MACROD2: variants seen among roughly 807,000 people sequenced by gnomAD.
MACROD2 encodes the protein mono-ADP ribosylhydrolase 2.
Under a neutral mutation model 70.4 loss-of-function variants are expected in MACROD2, and 36 were observed. The ratio of observed to expected loss-of-function variants is 0.51; its 90% CI spans 0.39 to 0.68. The LOEUF is 0.68. Among genes scored for constraint, MACROD2 ranks in the 30% least tolerant of loss-of-function variants. The probability of loss-of-function intolerance (pLI) is 0.00; values close to 1 mark genes in which losing one functional copy is unlikely to be tolerated. For missense variants in MACROD2, 496 were observed against 538.4 expected (o/e 0.92, Z 0.78); for synonymous variants, 172 against 178.8 (o/e 0.96, Z 0.30).
chr20:14,042,621 G>T (rs936783729), intron 2 of MACROD2, among the ~76,000 whole-genome samples: 2 of 152,108 alleles, frequency 1.3e-5, no homozygotes, highest in East Asian at 1.9e-4. Context: ...TTCTGCCTTA[G>T]CTTCAGTAGC....
At chr20:14,718,823 A>G (rs564158249) in intron 5 of MACROD2, among the ~76,000 whole-genome samples, 5 of 152,308 alleles carry the variant, frequency 3.3e-5, no homozygotes, top group Non-Finnish European at 5.9e-5. Context: ...CTAATGTAGT[A>G]TGTTTCTTTT....
At chr20:14,148,007 T>C (rs528954116) in intron 3 of MACROD2, among the ~76,000 whole-genome samples, 1 of 152,216 alleles carries the variant, frequency 6.6e-6, no homozygotes, top group Non-Finnish European at 1.5e-5. Flanking sequence ...ATTTTTTACC[T>C]TTTTATGACT....
intron 2 of MACROD2, among the ~76,000 whole-genome samples, chr20:14,013,604 C>T (rs1386569547): frequency 6.7e-6 from 1 of 149,820 alleles, no homozygotes; most frequent in Non-Finnish European, 1.5e-5. Flanking sequence ...ATTATTTTGA[C>T]AACACATCAA....
At chr20:15,594,282 A>G (rs1245595758) in intron 8 of MACROD2, among the ~76,000 whole-genome samples, 1 of 151,100 alleles carries the variant, frequency 6.6e-6, no homozygotes, top group Non-Finnish European at 1.5e-5. Context: ...TGAAAGGCCT[A>G]TTTGTGTTGC....
chr20:15,071,637 G>A (rs763098347), intron 5 of MACROD2, among the ~76,000 whole-genome samples: 14 of 152,064 alleles, frequency 9.2e-5, no homozygotes, highest in Admixed American at 8.5e-4. Flanking sequence ...CATTAAATTT[G>A]CATTGTATTT....
chr20:15,489,150 G>T (rs1235018692), intron 7 of MACROD2, among the ~76,000 whole-genome samples: 2 of 152,156 alleles, frequency 1.3e-5, no homozygotes, highest in African/African-American at 4.8e-5. Context: ...AAGAAAAAGT[G>T]TCTCAAGACC....
chr20:15,518,986 T>C (rs564464314), intron 8 of MACROD2, among the ~76,000 whole-genome samples: 4 of 152,362 alleles, frequency 2.6e-5, no homozygotes, highest in South Asian at 4.1e-4. Context: ...CTATTTTCTA[T>C]GTGCCGGACA....
chr20:14,642,128 T>C (rs1305002150), intron 4 of MACROD2, among the ~76,000 whole-genome samples: 3 of 152,232 alleles, frequency 2.0e-5, no homozygotes, highest in African/African-American at 7.2e-5. Flanking sequence ...GCTTCACTTT[T>C]TACTTTTGTG....
At chr20:14,069,270 A>G (rs1427288880) in intron 2 of MACROD2, among the ~76,000 whole-genome samples, 4 of 152,152 alleles carry the variant, frequency 2.6e-5, no homozygotes, top group African/African-American at 9.7e-5. Flanking sequence ...TTAAATTTTT[A>G]TTTTAAATTT....
intron 5 of MACROD2, among the ~76,000 whole-genome samples, chr20:14,904,631 G>C (rs1206395235): frequency 1.3e-5 from 2 of 152,118 alleles, no homozygotes; most frequent in Non-Finnish European, 2.9e-5. Context: ...TCTGTTTTCA[G>C]ATTTTAGTAA....
At chr20:14,593,226 C>T (rs1461364685) in intron 4 of MACROD2, among the ~76,000 whole-genome samples, 1 of 151,972 alleles carries the variant, frequency 6.6e-6, no homozygotes, top group Non-Finnish European at 1.5e-5. Flanking sequence ...TTTTCTTATT[C>T]GATTAGAGGA....
intron 6 of MACROD2, among the ~76,000 whole-genome samples, chr20:15,410,641 G>T (rs918959127): frequency 1.1e-4 from 16 of 147,688 alleles, no homozygotes; most frequent in African/African-American, 3.8e-4. Flanking sequence ...GCAATTCTCA[G>T]ACTGAATTCT....
At chr20:15,445,850 A>G (rs765095701) in intron 7 of MACROD2, among the ~76,000 whole-genome samples, 3 of 152,112 alleles carry the variant, frequency 2.0e-5, no homozygotes, top group Non-Finnish European at 2.9e-5. Flanking sequence ...CAGAACCAAG[A>G]CCAATGTGTT....
chr20:15,716,877 T>C (rs1600801132), intron 8 of MACROD2, among the ~76,000 whole-genome samples: 3 of 152,250 alleles, frequency 2.0e-5, no homozygotes, highest in East Asian at 1.9e-4. Context: ...AATGAAAATA[T>C]AGTGATAGAA....
At chr20:15,107,642 T>G (rs980122817) in intron 5 of MACROD2, among the ~76,000 whole-genome samples, 8 of 152,140 alleles carry the variant, frequency 5.3e-5, no homozygotes, top group African/African-American at 1.7e-4. Flanking sequence ...CTGTTGTTTC[T>G]CTCCCTGATT....
At chr20:15,808,486 A>C (rs776844945) in intron 8 of MACROD2, among the ~76,000 whole-genome samples, 17 of 152,280 alleles carry the variant, frequency 1.1e-4, no homozygotes, top group Non-Finnish European at 2.2e-4. Flanking sequence ...GCATACACAA[A>C]ATGATTAAGA....
intron 4 of MACROD2, among the ~76,000 whole-genome samples, chr20:14,532,290 C>A (rs2085315953): frequency 6.7e-6 from 1 of 149,420 alleles, no homozygotes; most frequent in Admixed American, 6.7e-5. Context: ...GCAATCTCGG[C>A]TCACTGCAAC....
At chr20:14,700,945 A>G (rs972177485) in intron 5 of MACROD2, among the ~76,000 whole-genome samples, 7 of 152,046 alleles carry the variant, frequency 4.6e-5, no homozygotes, top group African/African-American at 1.7e-4. Flanking sequence ...TCCAGTTTGT[A>G]GTAATGGGTT....
intron 8 of MACROD2, among the ~76,000 whole-genome samples, chr20:15,845,997 T>G (rs560409354): frequency 3.2e-4 from 48 of 152,332 alleles, no homozygotes; most frequent in Admixed American, 3.9e-4. Flanking sequence ...AAACAGGTTT[T>G]CCACGTGGAC....
Sources: allele counts gnomAD v4.1 joint callset (sites outside exome capture counted in the v4.1 genomes callset), GRCh38; gene constraint gnomAD v4.1.1; transcripts MANE v1.5; gene names NCBI Gene and HGNC (gene_info 2026-07-23, HGNC 2026-07-21).